Variants in YEATS2 observed in about 807,000 individuals in gnomAD.
YEATS2 encodes the protein YEATS domain-containing protein 2.
YEATS2 carries 77 observed loss-of-function variants against 163.2 expected under a neutral mutation model. The ratio of observed to expected loss-of-function variants is 0.47; its 90% CI spans 0.39 to 0.57. The LOEUF (loss-of-function observed/expected upper bound fraction) is 0.57. YEATS2 is among the 20% of genes least tolerant of loss of function. YEATS2 has a pLI of 0.00. For missense variants in YEATS2, 1,549 were observed against 1,729.8 expected (o/e 0.90, Z 1.85); for synonymous variants, 631 against 645.1 (o/e 0.98, Z 0.33).
intron 15 of YEATS2, among the ~76,000 whole-genome samples, chr3:183,771,109 T>C (rs768811367): frequency 3.3e-5 from 5 of 152,234 alleles, no homozygotes; most frequent in Non-Finnish European, 5.9e-5. Flanking sequence ...AGTGCCTCTC[T>C]GGAATGGCTG....
At chr3:183,782,703 C>T (rs1295870147) in intron 19 of YEATS2, among the ~76,000 whole-genome samples, 1 of 152,172 alleles carries the variant, frequency 6.6e-6, no homozygotes, top group African/African-American at 2.4e-5. Context: ...GGATTTCAGG[C>T]GTGAGCCACC....
In YEATS2 at chr3:183,701,507, C is replaced by G. The variant is rs552669584; in HGVS notation, c.-20+3514C>G. On this transcript the variant is annotated intron_variant, in intron 1 of 30. Transcript: ENST00000305135. ...GCTCAAGCGAGCCTCCCACCTCAGC[C>G]TACCAAGTAGGTGGGACTACAGGTA... Among the ~76,000 whole-genome samples, 133 of 152,324 alleles carry G rather than the reference C, an allele frequency of 8.7e-4. 1 individual carries two copies. Among genetic ancestry groups the G allele is most frequent in the Non-Finnish European group, 1.6e-3 (109 of 68,032 alleles).
intron 9 of YEATS2, among the ~76,000 whole-genome samples, chr3:183,751,052 C>T (rs196349): frequency 0.44 from 66,488 of 151,982 alleles, 14,944 homozygotes; most frequent in East Asian, 0.65. Context: ...TTTTCCCTTA[C>T]ATTTTCTTCT....
intron 28 of YEATS2, chr3:183,807,799 T>G: frequency 2.2e-6 from 1 of 450,612 alleles, no homozygotes; most frequent in South Asian, 3.7e-5. Flanking sequence ...TGAGAGATTT[T>G]AATAGGATTA....
At chr3:183,773,478 A>G (rs1413124226) in intron 16 of YEATS2, among the ~76,000 whole-genome samples, 155 bp from the exon 17 acceptor site, 2 of 152,236 alleles carry the variant, frequency 1.3e-5, no homozygotes, top group Non-Finnish European at 2.9e-5. Flanking sequence ...ATTTAAGAAT[A>G]TCAGTCTTTA....
At chr3:183,736,535 G>T (rs1409615175) in intron 7 of YEATS2, among the ~76,000 whole-genome samples, 183 bp from the exon 8 acceptor site, 1 of 152,118 alleles carries the variant, frequency 6.6e-6, no homozygotes, top group Non-Finnish European at 1.5e-5. Context: ...TTTGAGTTGA[G>T]TTTTTTCTTT....
At chr3:183,803,846 A>T in intron 26 of YEATS2, 141 bp from the exon 27 acceptor site, 1 of 782,706 alleles carries the variant, frequency 1.3e-6, no homozygotes, top group Non-Finnish European at 2.0e-6. Context: ...TTTAATGGGG[A>T]GTAACACAAC....
At chr3:183,793,652 G>A (rs1324843841) in intron 21 of YEATS2, among the ~76,000 whole-genome samples, 1 of 102,360 alleles carries the variant, frequency 9.8e-6, no homozygotes, top group Non-Finnish European at 1.8e-5. Context: ...TGTTCTTGTC[G>A]CCCAGTCTGG....
chr3:183,740,610 TGA>T (rs765796768), intron 8 of YEATS2, among the ~76,000 whole-genome samples: 15 of 151,468 alleles, frequency 9.9e-5, no homozygotes, highest in Non-Finnish European at 1.9e-4. Flanking sequence ...CTGTCAAGAC[TGA>T]GAGGGGTGAG....
chr3:183,732,393 C>T (rs558253366), intron 7 of YEATS2, among the ~76,000 whole-genome samples: 27 of 150,686 alleles, frequency 1.8e-4, no homozygotes, highest in African/African-American at 6.3e-4. Context: ...GCACAGGTTG[C>T]GGTGAGCCAA....
At chr3:183,775,315 A>T (rs567172541) in intron 17 of YEATS2, among the ~76,000 whole-genome samples, 2 of 152,288 alleles carry the variant, frequency 1.3e-5, no homozygotes, top group South Asian at 4.1e-4. Flanking sequence ...ACTTGGCTAG[A>T]GGCTGGGTGC....
At chr3:183,792,419 G>A (rs1014927143) in intron 21 of YEATS2, among the ~76,000 whole-genome samples, 5 of 152,092 alleles carry the variant, frequency 3.3e-5, no homozygotes, top group African/African-American at 1.2e-4. Flanking sequence ...TCCTGTGTTC[G>A]TTTGCTGATG....
Position 183,803,305 on chromosome 3 carries a change from C to G in YEATS2, c.3552C>G (p.Gly1184=). Residue 1184 remains glycine (G), a synonymous_variant, in exon 26 of 31, where the codon GGC becomes GGG. Coordinates refer to ENST00000305135, the MANE Select transcript of YEATS2 (RefSeq NM_018023.5). Reference sequence around the variant, plus strand: ...CAAAGTCTGTGGAGCAGTACTATGGCTGGAACATTGGAAAAAGGAGAGCCG... The same window carrying G: ...CAAAGTCTGTGGAGCAGTACTATGGGTGGAACATTGGAAAAAGGAGAGCCG... ...FSAKSVEQYY[G]WNIGKRRAAE... is the part of the protein sequence containing the mutation. 1 of 1,611,710 alleles carries G rather than the reference C, an allele frequency of 6.2e-7. No homozygotes were observed. The highest frequency in any genetic ancestry group is 1.1e-5 in the South Asian group (1 of 90,684).
At chr3:183,719,602 C>T (rs1243683191) in intron 4 of YEATS2, among the ~76,000 whole-genome samples, 2 of 152,090 alleles carry the variant, frequency 1.3e-5, no homozygotes, top group East Asian at 1.9e-4. Context: ...ACCTTTTAGT[C>T]TAGTGAATGG....
intron 29 of YEATS2, chr3:183,808,881 G>A (rs1726504621): frequency 4.0e-6 from 2 of 505,266 alleles, no homozygotes; most frequent in Admixed American, 6.7e-5. Flanking sequence ...ATAGAATAAT[G>A]TCTGATTAAT....
chr3:183,773,971 G>T (rs775768155), intron 17 of YEATS2, among the ~76,000 whole-genome samples, 177 bp downstream of exon 17: 1 of 152,190 alleles, frequency 6.6e-6, no homozygotes, highest in African/African-American at 2.4e-5. Context: ...AACTAGAAGT[G>T]GGTTTGCTCC....
chr3:183,763,915 A>G (rs1577139159), intron 15 of YEATS2, among the ~76,000 whole-genome samples: 1 of 152,174 alleles, frequency 6.6e-6, no homozygotes, highest in Non-Finnish European at 1.5e-5. Flanking sequence ...TAAAAATACA[A>G]AAACCGAGCG....
In YEATS2 at chr3:183,804,017, T is replaced by C; in HGVS notation, c.3613T>C (p.Leu1205=). The change falls in exon 27 of 31, where the codon TTA becomes CTA. Residue 1205 remains leucine (L), a synonymous_variant. Transcript: ENST00000305135. ...AAGAGCAATGACAATGCGAAAAGTC[T>C]TACAAGAAATCCTGGAGAAGAATCC... ...WQRAMTMRKV[L]QEILEKNPRF... 1 of 1,614,106 alleles carries C rather than the reference T, an allele frequency of 6.2e-7. No individual in the cohort carries two copies. Among genetic ancestry groups the C allele is most frequent in the Middle Eastern group, 1.6e-4 (1 of 6,062 alleles).
At chr3:183,755,063 A>G (rs1720573368) in intron 11 of YEATS2, among the ~76,000 whole-genome samples, 1 of 152,218 alleles carries the variant, frequency 6.6e-6, no homozygotes, top group Non-Finnish European at 1.5e-5. Context: ...TAGACAGCTA[A>G]GTAGAAATAG....
Sources: gnomAD v4.1 joint callset for allele counts (sites outside exome capture counted in the v4.1 genomes callset) on GRCh38, gnomAD v4.1.1 for gene constraint, MANE v1.5 for transcripts, NCBI Gene and HGNC (gene_info 2026-07-23, HGNC 2026-07-21) for gene names.